Variants in PLAT observed in about 807,000 individuals in gnomAD.
The protein encoded by PLAT is plasminogen activator, tissue type.
PLAT carries 48 observed loss-of-function variants against 74.9 expected under a neutral mutation model. The observed-to-expected ratio is 0.64, with a 90% CI of 0.51 to 0.82. The LOEUF is 0.82. Ranked by LOEUF, PLAT falls within the 40% of genes least tolerant of loss-of-function variation. The probability of loss-of-function intolerance (pLI) is 0.00; values close to 1 mark genes in which losing one functional copy is unlikely to be tolerated. For synonymous variants in PLAT, 307 were observed against 294.4 expected (o/e 1.04, Z -0.44); for missense variants, 673 against 736.2 (o/e 0.91, Z 0.99).
chr8:42,196,595 G>A (rs1805916464), intron 1 of PLAT, among the ~76,000 whole-genome samples: 3 of 152,208 alleles, frequency 2.0e-5, no homozygotes, highest in Non-Finnish European at 4.4e-5. Flanking sequence ...CCAGTGACGG[G>A]ATGCAGAGCA....
chr8:42,183,296 C>T (rs1353232975), intron 7 of PLAT, among the ~76,000 whole-genome samples: 7 of 152,338 alleles, frequency 4.6e-5, no homozygotes, highest in African/African-American at 1.4e-4. Flanking sequence ...AGCCAACACG[C>T]CCGGCCTGAG....
At chr8:42,196,841 A>C (rs967312024) in intron 1 of PLAT, among the ~76,000 whole-genome samples, 2 of 152,060 alleles carry the variant, frequency 1.3e-5, no homozygotes, top group Non-Finnish European at 2.9e-5. Context: ...AACTGAAAAA[A>C]AAAAAGGCAA....
At chr8:42,182,045 G>A (rs555453198) in intron 8 of PLAT, 23 bp from the exon 9 acceptor site, 1 of 1,470,880 alleles carries the variant, frequency 6.8e-7, no homozygotes, top group Non-Finnish European at 9.5e-7. Context: ...AGAGTTTAAG[G>A]TTTCCTTTTT....
At chr8:42,190,773 C>T (rs1213613412) in intron 3 of PLAT, among the ~76,000 whole-genome samples, 1 of 152,218 alleles carries the variant, frequency 6.6e-6, no homozygotes, top group Admixed American at 6.5e-5. Flanking sequence ...GCCTCGCATT[C>T]CTCAGCCTTC....
At chr8:42,187,216 CA>C (rs1242263283) in intron 6 of PLAT, 181 bp downstream of exon 6, 9 of 502,148 alleles carry the variant, frequency 1.8e-5, no homozygotes, top group Non-Finnish European at 3.2e-5. Flanking sequence ...TATCACCTAT[CA>C]TCTATCATCT....
At chr8:42,184,815 C>T (rs1805388092) in intron 7 of PLAT, 1 of 315,508 alleles carries the variant, frequency 3.2e-6, no homozygotes, top group Non-Finnish European at 5.7e-6. Context: ...GACTGAAAAC[C>T]ACTGATTCAG....
intron 2 of PLAT, among the ~76,000 whole-genome samples, chr8:42,192,625 A>T (rs534776430): frequency 6.6e-6 from 1 of 152,334 alleles, no homozygotes; most frequent in East Asian, 1.9e-4. Context: ...TTAACATTGT[A>T]CTAGGTATTA....
chr8:42,203,987 A>T lies in PLAT; in HGVS notation c.-27+3507T>A, dbSNP rs918635587. Among the ~76,000 whole-genome samples, 51 of 129,926 alleles carry T rather than the reference A, an allele frequency of 3.9e-4. 3 individuals carry two copies. The highest frequency in any genetic ancestry group is 1.0e-3 in the Admixed American group (14 of 13,776). 85.2% of individuals were successfully genotyped at this position (129,926 alleles called of 152,430 possible). ...CTCTAAATTATATATATATATATAT[A>T]TATATACACACACACACACACACAC... On this transcript the variant is annotated intron_variant, in intron 1 of 13. Coordinates refer to ENST00000220809, the MANE Select transcript of PLAT (RefSeq NM_000930.5).
At position 42,180,492 on chromosome 8, in the gene PLAT, C is replaced by G. The variant is rs1805192411; in HGVS notation, c.1083G>C (p.Glu361Asp). 6.2e-7 allele frequency: 1 copy of G among 1,613,932 alleles called. No homozygotes were observed. The highest frequency in any genetic ancestry group is 1.7e-5 in the Admixed American group (1 of 60,012). The change falls in exon 10 of 14, where the codon GAG (glutamate) becomes GAC (aspartate). Residue 361 changes from glutamate (E) to aspartate (D), a missense_variant and splice_region_variant. Glu to Asp is a conservative substitution (Grantham distance 45). Coordinates refer to ENST00000220809, the MANE Select transcript of PLAT (RefSeq NM_000930.5). ...CAACTGGGTTTCCGAGCCCCTACCTCTCCTGGAAGCAGTGGGCGGCAGAGA... is the reference window on the plus strand; with the variant it reads ...CAACTGGGTTTCCGAGCCCCTACCTGTCCTGGAAGCAGTGGGCGGCAGAGA... ...WILSAAHCFQ[E>D]RFPPHHLTVI...
intron 1 of PLAT, among the ~76,000 whole-genome samples, chr8:42,195,404 G>A (rs145752963): frequency 1.8e-4 from 28 of 152,310 alleles, no homozygotes; most frequent in African/African-American, 6.3e-4. Context: ...GCTCGCCAGC[G>A]TGGCATCCTC....
intron 1 of PLAT, among the ~76,000 whole-genome samples, chr8:42,195,123 C>A (rs1279894892): frequency 6.6e-6 from 1 of 152,108 alleles, no homozygotes; most frequent in Non-Finnish European, 1.5e-5. Flanking sequence ...TCCCCCTCCC[C>A]CTCCCCCGAG....
chr8:42,192,087 C>G, intron 2 of PLAT, among the ~76,000 whole-genome samples: 1 of 151,014 alleles, frequency 6.6e-6, no homozygotes, highest in Non-Finnish European at 1.5e-5. Flanking sequence ...CACTGAAGTC[C>G]CAACCTCCTG....
At chr8:42,192,065 G>A (rs1037578204) in intron 2 of PLAT, among the ~76,000 whole-genome samples, 29 of 148,444 alleles carry the variant, frequency 2.0e-4, no homozygotes, top group African/African-American at 5.8e-4. Context: ...GTGCATTGGC[G>A]TAATCATATC....
chr8:42,205,221 T>A (rs991024341), intron 1 of PLAT, among the ~76,000 whole-genome samples: 1 of 151,990 alleles, frequency 6.6e-6, no homozygotes, highest in African/African-American at 2.4e-5. Context: ...TCTGCCCTAT[T>A]GTTTTTGTAA....
At chr8:42,185,325 C>A (rs185177885) in intron 6 of PLAT, 153 bp from the exon 7 acceptor site, 2 of 456,510 alleles carry the variant, frequency 4.4e-6, no homozygotes, top group Non-Finnish European at 7.8e-6. Flanking sequence ...AGTGCAGCGG[C>A]GCATCTCCTC....
rs576448908 is a variant in PLAT, at chr8:42,194,971, C to T, written c.-26-1760G>A. Among the ~76,000 whole-genome samples, 17 of 152,334 alleles carry T rather than the reference C, an allele frequency of 1.1e-4. No homozygotes were observed. In the East Asian group the frequency reaches 2.5e-3, roughly 22 times the overall value. On this transcript the variant is annotated intron_variant, in intron 1 of 13. Transcript: ENST00000220809. Reference sequence around the variant, plus strand: ...TGCCTCTCCTCTGTGATCCTGCCCTCGGCAGCTAAAAGTAGGTTAGTCGGC... The same window carrying T: ...TGCCTCTCCTCTGTGATCCTGCCCTTGGCAGCTAAAAGTAGGTTAGTCGGC...
chr8:42,195,226 T>TC (rs8178717), intron 1 of PLAT, among the ~76,000 whole-genome samples: 23,738 of 150,102 alleles, frequency 0.16, 2,062 homozygotes, highest in Non-Finnish European at 0.16. Flanking sequence ...CGAAACGAAC[T>TC]CCCCCGTGGG....
intron 2 of PLAT, among the ~76,000 whole-genome samples, chr8:42,192,911 A>G (rs1466050114): frequency 2.6e-5 from 4 of 152,216 alleles, no homozygotes; most frequent in Non-Finnish European, 5.9e-5. Flanking sequence ...GCCCAGCTAC[A>G]CACTGGGCCC....
chr8:42,180,751 A>G, intron 9 of PLAT, 66 bp from the exon 10 acceptor site: 1 of 1,236,554 alleles, frequency 8.1e-7, no homozygotes, highest in Non-Finnish European at 1.1e-6. Context: ...AGGTAGAGTG[A>G]GGAGGCCATC....
Sources: gnomAD v4.1 joint callset for allele counts (sites outside exome capture counted in the v4.1 genomes callset) on GRCh38, gnomAD v4.1.1 for gene constraint, MANE v1.5 for transcripts, NCBI Gene and HGNC (gene_info 2026-07-23, HGNC 2026-07-21) for gene names.